The following ARB2A variants were observed in gnomAD, a reference collection of about 807,000 sequenced individuals.
The protein encoded by ARB2A is cotranscriptional regulator ARB2A.
chr5:93,761,870 C>T, the ARB2A span, among the ~76,000 whole-genome samples: 327 of 152,320 alleles, frequency 2.1e-3, 2 homozygotes, highest in Middle Eastern at 0.01. Context: ...TCCAGAGGAA[C>T]GATCAGGCAG....
chr5:94,005,025 A>AAAAG, the ARB2A span, among the ~76,000 whole-genome samples: 1 of 110,082 alleles, frequency 9.1e-6, no homozygotes, highest in Non-Finnish European at 1.8e-5. Context: ...AAAAAAAAAA[A>AAAAG]AGAGAGAGGA....
At chr5:94,035,321 G>C in the ARB2A span, among the ~76,000 whole-genome samples, 1 of 151,590 alleles carries the variant, frequency 6.6e-6, no homozygotes, top group Non-Finnish European at 1.5e-5. Flanking sequence ...AGTAAATCTA[G>C]GAAATATATT....
At chr5:93,903,175 T>A in the ARB2A span, among the ~76,000 whole-genome samples, 1 of 152,092 alleles carries the variant, frequency 6.6e-6, no homozygotes, top group Non-Finnish European at 1.5e-5. Context: ...GCAAACGTAT[T>A]TGGACATTTG....
chr5:93,748,206 A>T, the ARB2A span, among the ~76,000 whole-genome samples: 380 of 152,252 alleles, frequency 2.5e-3, 1 homozygote, highest in Non-Finnish European at 4.4e-3. Context: ...TGAAAGGAAG[A>T]CAATATATTA....
At chr5:93,721,614 A>G in the ARB2A span, among the ~76,000 whole-genome samples, 117 of 152,300 alleles carry the variant, frequency 7.7e-4, 1 homozygote, top group African/African-American at 2.7e-3. Flanking sequence ...TATTGCTGAG[A>G]TCAAATTATA....
At chr5:93,998,212 CTTTAA>C in the ARB2A span, among the ~76,000 whole-genome samples, 13 of 151,950 alleles carry the variant, frequency 8.6e-5, no homozygotes, top group Non-Finnish European at 1.6e-4. Flanking sequence ...AATCTTTTCC[CTTTAA>C]TTTAACAAAA....
At chr5:93,771,918 G>A in the ARB2A span, among the ~76,000 whole-genome samples, 1 of 152,152 alleles carries the variant, frequency 6.6e-6, no homozygotes, top group Non-Finnish European at 1.5e-5. Context: ...GGGATCTAGA[G>A]CTAGAAATAC....
the ARB2A span, among the ~76,000 whole-genome samples, chr5:93,971,569 A>AAAATTAAT: frequency 7.2e-6 from 1 of 139,356 alleles, no homozygotes; most frequent in Non-Finnish European, 1.5e-5. Context: ...CTCCGTCTCA[A>AAAATTAAT]AAATAAATAA....
chr5:94,066,631 A>C, the ARB2A span, among the ~76,000 whole-genome samples: 1 of 152,212 alleles, frequency 6.6e-6, no homozygotes, highest in East Asian at 1.9e-4. Flanking sequence ...CCAAGATTGA[A>C]TCAGGAAGAA....
At chr5:93,953,463 G>A in the ARB2A span, among the ~76,000 whole-genome samples, 5 of 151,114 alleles carry the variant, frequency 3.3e-5, no homozygotes, top group Admixed American at 2.7e-4. Flanking sequence ...AGAATTCTCT[G>A]GATTGCCAGG....
At chr5:93,808,089 G>T in the ARB2A span, among the ~76,000 whole-genome samples, 1,746 of 152,022 alleles carry the variant, frequency 0.011, 32 homozygotes, top group African/African-American at 0.04. Context: ...GGGAACATGC[G>T]CAATAGATCA....
chr5:93,856,016 C>T, the ARB2A span, among the ~76,000 whole-genome samples: 5 of 151,914 alleles, frequency 3.3e-5, no homozygotes, highest in African/African-American at 7.3e-5. Context: ...CAAACTACTA[C>T]GAGCTACAGG....
chr5:94,032,472 A>G, the ARB2A span, among the ~76,000 whole-genome samples: 26 of 152,218 alleles, frequency 1.7e-4, no homozygotes, highest in African/African-American at 6.3e-4. Flanking sequence ...TAAACCATTC[A>G]GGAGAAATCC....
the ARB2A span, among the ~76,000 whole-genome samples, chr5:94,009,171 A>T: frequency 7.9e-5 from 12 of 152,142 alleles, no homozygotes; most frequent in Admixed American, 7.9e-4. Flanking sequence ...ATCTGCTCAC[A>T]TTCAAACACT....
chr5:93,683,340 C>T, the ARB2A span: 1 of 1,604,148 alleles, frequency 6.2e-7, no homozygotes. Context: ...TCCTCTTCAT[C>T]TTCTGACTCT....
At chr5:93,858,135 G>C in the ARB2A span, among the ~76,000 whole-genome samples, 1 of 152,186 alleles carries the variant, frequency 6.6e-6, no homozygotes, top group Admixed American at 6.5e-5. Context: ...AGTCACACAA[G>C]ATGTGCGTAA....
chr5:93,969,119 C>A, the ARB2A span, among the ~76,000 whole-genome samples: 1 of 143,022 alleles, frequency 7.0e-6, no homozygotes, highest in African/African-American at 2.6e-5. Flanking sequence ...TTTGGATCAA[C>A]ACAAAGAAAC....
the ARB2A span, among the ~76,000 whole-genome samples, chr5:93,989,673 T>C: frequency 6.6e-6 from 1 of 152,218 alleles, no homozygotes. Flanking sequence ...ATTCATTTCC[T>C]GACTACATAA....
the ARB2A span, among the ~76,000 whole-genome samples, chr5:93,904,897 A>T: frequency 6.6e-6 from 1 of 151,732 alleles, no homozygotes; most frequent in Non-Finnish European, 1.5e-5. Context: ...TAAGGAGTCA[A>T]TGTCTCAAAT....
Sources: gnomAD v4.1 joint callset for allele counts (sites outside exome capture counted in the v4.1 genomes callset) on GRCh38, gnomAD v4.1.1 for gene constraint, MANE v1.5 for transcripts, NCBI Gene and HGNC (gene_info 2026-07-23, HGNC 2026-07-21) for gene names.